FRMD5: variants seen among roughly 807,000 people sequenced by gnomAD.
FRMD5 encodes the protein FERM domain containing 5, also known as FERM domain-containing protein 5.
In FRMD5, 20 loss-of-function variants were observed where a neutral mutation model predicts 69.0. The ratio of observed to expected loss-of-function variants is 0.29; its 90% CI spans 0.20 to 0.42. The LOEUF (loss-of-function observed/expected upper bound fraction) is 0.42. Among genes scored for constraint, FRMD5 ranks in the 10% least tolerant of loss-of-function variants. The probability of loss-of-function intolerance (pLI) is 1.00; values close to 1 mark genes in which losing one functional copy is unlikely to be tolerated. For missense variants in FRMD5, 595 were observed against 708.6 expected (o/e 0.84, Z 1.82); for synonymous variants, 271 against 260.1 (o/e 1.04, Z -0.40).
chr15:44,192,975 A>T (rs898675810), intron 1 of FRMD5, among the ~76,000 whole-genome samples: 3 of 152,268 alleles, frequency 2.0e-5, no homozygotes, highest in Admixed American at 1.3e-4. Context: ...AAATAAGTAC[A>T]GCTATAGTGG....
chr15:43,970,286 A>C (rs1160997206), intron 1 of FRMD5, among the ~76,000 whole-genome samples: 1 of 152,188 alleles, frequency 6.6e-6, no homozygotes, highest in Non-Finnish European at 1.5e-5. Context: ...ACTGCTCTGC[A>C]CTTCTATTCT....
intron 1 of FRMD5, among the ~76,000 whole-genome samples, chr15:44,013,837 C>G (rs1188962571): frequency 3.4e-5 from 5 of 148,532 alleles, no homozygotes; most frequent in African/African-American, 1.2e-4. Flanking sequence ...AGGAGTGATG[C>G]AAGTATCTGG....
At chr15:43,902,012 G>A in intron 7 of FRMD5, 163 bp downstream of exon 7, 1 of 630,718 alleles carries the variant, frequency 1.6e-6, no homozygotes, top group South Asian at 2.0e-5. Flanking sequence ...TGTAGCATGT[G>A]ATCCAGAGGA....
intron 1 of FRMD5, among the ~76,000 whole-genome samples, chr15:44,097,250 A>G (rs377675958): frequency 6.6e-6 from 1 of 152,254 alleles, no homozygotes; most frequent in African/African-American, 2.4e-5. Context: ...GTGAGAGTAA[A>G]GTAAACCTAA....
chr15:44,168,950 C>A (rs1166904171), intron 1 of FRMD5, among the ~76,000 whole-genome samples: 1 of 152,184 alleles, frequency 6.6e-6, no homozygotes, highest in Non-Finnish European at 1.5e-5. Context: ...TGATCAATAT[C>A]ATTTCAAGAT....
At chr15:43,914,432 A>G (rs1417983054) in intron 4 of FRMD5, among the ~76,000 whole-genome samples, 1 of 152,092 alleles carries the variant, frequency 6.6e-6, no homozygotes, top group Admixed American at 6.5e-5. Flanking sequence ...TTTACTTTTA[A>G]TATTCTTCTA....
intron 1 of FRMD5, among the ~76,000 whole-genome samples, chr15:44,018,101 A>G (rs1290780623): frequency 6.6e-6 from 1 of 152,220 alleles, no homozygotes; most frequent in African/African-American, 2.4e-5. Context: ...AGGCAGCAGG[A>G]TTATTTAAGT....
chr15:44,038,703 G>A (rs1045874475), intron 1 of FRMD5, among the ~76,000 whole-genome samples: 2 of 151,800 alleles, frequency 1.3e-5, no homozygotes, highest in African/African-American at 4.8e-5. Context: ...CCCACAGAGG[G>A]CGAGCTGAAG....
chr15:44,011,889 C>T (rs765975076), intron 1 of FRMD5, among the ~76,000 whole-genome samples: 4 of 152,008 alleles, frequency 2.6e-5, no homozygotes, highest in Middle Eastern at 3.2e-3. Context: ...AAAATGCCAG[C>T]GAGACATCGA....
intron 4 of FRMD5, among the ~76,000 whole-genome samples, chr15:43,916,308 C>T (rs1263651717): frequency 1.3e-5 from 2 of 152,234 alleles, no homozygotes; most frequent in African/African-American, 4.8e-5. Flanking sequence ...AAGTTAGCTG[C>T]TTAAGTTTTA....
intron 1 of FRMD5, among the ~76,000 whole-genome samples, chr15:44,009,716 T>C (rs151319130): frequency 4.2e-4 from 64 of 152,200 alleles, no homozygotes; most frequent in African/African-American, 1.4e-3. Context: ...TTTTGAGGCA[T>C]AGGTTTCCTG....
chr15:44,055,313 A>G (rs1046815271), intron 1 of FRMD5, among the ~76,000 whole-genome samples: 5 of 152,152 alleles, frequency 3.3e-5, no homozygotes, highest in African/African-American at 1.2e-4. Flanking sequence ...AGAAGCATCA[A>G]ACACAAGAAC....
At chr15:44,133,505 G>A (rs981165641) in intron 1 of FRMD5, among the ~76,000 whole-genome samples, 3 of 148,526 alleles carry the variant, frequency 2.0e-5, no homozygotes, top group African/African-American at 7.4e-5. Context: ...GAACCTGGGA[G>A]GCAGAGCTTT....
At chr15:44,010,673 C>T (rs1485642987) in intron 1 of FRMD5, among the ~76,000 whole-genome samples, 3 of 152,138 alleles carry the variant, frequency 2.0e-5, no homozygotes, top group Non-Finnish European at 4.4e-5. Flanking sequence ...GCGTGAGCTA[C>T]CATGCCTGGC....
intron 9 of FRMD5, 106 bp downstream of exon 9, chr15:43,888,703 T>G: frequency 1.1e-6 from 1 of 902,996 alleles, no homozygotes; most frequent in South Asian, 1.5e-5. Flanking sequence ...CTTGGCTTAG[T>G]ATGTGGGTAG....
At chr15:43,964,273 C>A (rs190179572) in intron 1 of FRMD5, among the ~76,000 whole-genome samples, 1 of 151,826 alleles carries the variant, frequency 6.6e-6, no homozygotes, top group African/African-American at 2.4e-5. Flanking sequence ...TCAGTGATGC[C>A]TTTTTCCGTG....
intron 1 of FRMD5, among the ~76,000 whole-genome samples, chr15:44,013,676 C>T (rs775976193): frequency 2.2e-4 from 34 of 152,124 alleles, no homozygotes; most frequent in Non-Finnish European, 4.6e-4. Context: ...ATGGTTCATT[C>T]TCTAATTTTG....
intron 1 of FRMD5, among the ~76,000 whole-genome samples, chr15:44,134,102 T>C (rs2077145548): frequency 6.6e-6 from 1 of 150,968 alleles, no homozygotes; most frequent in South Asian, 2.1e-4. Flanking sequence ...AAGCAAGACA[T>C]GCAAAAGACT....
chr15:44,062,828 T>G (rs1247320416), intron 1 of FRMD5, among the ~76,000 whole-genome samples: 2 of 152,168 alleles, frequency 1.3e-5, no homozygotes, highest in Non-Finnish European at 2.9e-5. Flanking sequence ...TACTGTAATT[T>G]TTTTTGTATA....
Sources: allele counts gnomAD v4.1 joint callset (sites outside exome capture counted in the v4.1 genomes callset), GRCh38; gene constraint gnomAD v4.1.1; transcripts MANE v1.5; gene names NCBI Gene and HGNC (gene_info 2026-07-23, HGNC 2026-07-21).